The following ATOSA variants were observed in gnomAD, a reference collection of about 807,000 sequenced individuals.
The protein encoded by ATOSA is atos homolog protein A.
chr15:52,682,011 G>A, the ATOSA span, among the ~76,000 whole-genome samples: 1 of 152,174 alleles, frequency 6.6e-6, no homozygotes, highest in Admixed American at 6.5e-5. Context: ...CTAGCACTTA[G>A]TAAAGAACTG....
the ATOSA span, chr15:52,611,401 T>C: frequency 8.2e-7 from 1 of 1,218,854 alleles, no homozygotes; most frequent in African/African-American, 1.5e-5. Flanking sequence ...TCACTTGAAG[T>C]CACAATTACT....
chr15:52,669,848 C>A, the ATOSA span, among the ~76,000 whole-genome samples: 6 of 152,282 alleles, frequency 3.9e-5, no homozygotes, highest in East Asian at 1.2e-3. Context: ...AATTCTGGGT[C>A]ATGGAAGCAG....
the ATOSA span, among the ~76,000 whole-genome samples, chr15:52,693,239 G>A: frequency 6.6e-6 from 1 of 152,110 alleles, no homozygotes; most frequent in African/African-American, 2.4e-5. Flanking sequence ...GGCCAACATG[G>A]AGAAACCCTG....
chr15:52,680,695 A>G, the ATOSA span, among the ~76,000 whole-genome samples: 1 of 152,238 alleles, frequency 6.6e-6, no homozygotes, highest in African/African-American at 2.4e-5. Context: ...GAGAACATTC[A>G]GGAGGGTAAC....
the ATOSA span, chr15:52,677,987 A>G: frequency 1.2e-6 from 2 of 1,613,892 alleles, no homozygotes; most frequent in East Asian, 2.2e-5. Context: ...AACAAGCCCT[A>G]CTTAAACAAA....
chr15:52,610,239 CA>C, the ATOSA span: 1 of 1,613,916 alleles, frequency 6.2e-7, no homozygotes, highest in Non-Finnish European at 8.5e-7. Context: ...TACTGCACGT[CA>C]AAACTGGATA....
At chr15:52,601,218 T>G in the ATOSA span, 4 of 1,157,912 alleles carry the variant, frequency 3.5e-6, no homozygotes, top group African/African-American at 1.6e-5. Context: ...TTAATTTTTT[T>G]CTTGAATTGA....
the ATOSA span, among the ~76,000 whole-genome samples, chr15:52,641,653 C>T: frequency 1.3e-5 from 2 of 152,186 alleles, no homozygotes; most frequent in South Asian, 4.1e-4. Context: ...CGGATTCATT[C>T]ATTACTCTCT....
chr15:52,599,828 T>C, the ATOSA span, among the ~76,000 whole-genome samples: 1 of 152,158 alleles, frequency 6.6e-6, no homozygotes, highest in Admixed American at 6.6e-5. Context: ...AGACCCAATT[T>C]TACCAAGTAA....
chr15:52,677,029 G>T, the ATOSA span, among the ~76,000 whole-genome samples: 1 of 152,010 alleles, frequency 6.6e-6, no homozygotes, highest in African/African-American at 2.4e-5. Context: ...AATTAAGTAT[G>T]GTTTTCTCCA....
the ATOSA span, among the ~76,000 whole-genome samples, chr15:52,693,112 G>GTT: frequency 6.6e-6 from 1 of 152,074 alleles, no homozygotes; most frequent in African/African-American, 2.4e-5. Context: ...ACATACAAAC[G>GTT]GAAAGATTGA....
At chr15:52,649,786 G>C in the ATOSA span, 28 of 152,240 alleles carry the variant, frequency 1.8e-4, no homozygotes, top group Middle Eastern at 6.8e-3. Context: ...CAACTACCCT[G>C]AAGTTCTGCT....
chr15:52,623,735 T>C, the ATOSA span, among the ~76,000 whole-genome samples: 1 of 152,166 alleles, frequency 6.6e-6, no homozygotes, highest in African/African-American at 2.4e-5. Flanking sequence ...TAGATGGTGA[T>C]GATGGAAGAT....
At chr15:52,629,972 T>C in the ATOSA span, among the ~76,000 whole-genome samples, 1 of 151,864 alleles carries the variant, frequency 6.6e-6, no homozygotes, top group East Asian at 1.9e-4. Flanking sequence ...TTGTATACAA[T>C]AGAGTAAAAT....
At chr15:52,626,677 A>AG in the ATOSA span, among the ~76,000 whole-genome samples, 1 of 152,134 alleles carries the variant, frequency 6.6e-6, no homozygotes, top group Non-Finnish European at 1.5e-5. Context: ...ATAATGGTAA[A>AG]GGGGGGCCTT....
the ATOSA span, among the ~76,000 whole-genome samples, chr15:52,685,659 GCT>G: frequency 6.6e-6 from 1 of 151,994 alleles, no homozygotes; most frequent in Non-Finnish European, 1.5e-5. Context: ...GTCTTGAACT[GCT>G]GGGCTCAAGT....
chr15:52,635,695 C>CA, the ATOSA span, among the ~76,000 whole-genome samples: 7 of 151,346 alleles, frequency 4.6e-5, no homozygotes, highest in East Asian at 1.9e-4. Context: ...GATCCTATCT[C>CA]AAAAAAAATA....
At chr15:52,629,817 T>TA in the ATOSA span, 8 of 145,780 alleles carry the variant, frequency 5.5e-5, no homozygotes, top group South Asian at 2.1e-4. Context: ...AATTAAAAAA[T>TA]AAAAAAAAAG....
chr15:52,641,057 A>G, the ATOSA span, among the ~76,000 whole-genome samples: 541 of 152,292 alleles, frequency 3.6e-3, 4 homozygotes, highest in African/African-American at 0.013. Context: ...GGAGAATGAA[A>G]CCATTTACCA....
Sources: gnomAD v4.1 joint callset for allele counts (sites outside exome capture counted in the v4.1 genomes callset) on GRCh38, gnomAD v4.1.1 for gene constraint, MANE v1.5 for transcripts, NCBI Gene and HGNC (gene_info 2026-07-23, HGNC 2026-07-21) for gene names.